Variants in POU2AF2 observed in about 807,000 individuals in gnomAD.
The protein encoded by POU2AF2 is POU domain class 2-associating factor 2.
chr11:111,282,149 TA>T, the POU2AF2 span, among the ~76,000 whole-genome samples: 34 of 152,190 alleles, frequency 2.2e-4, no homozygotes, highest in African/African-American at 8.2e-4. Context: ...ATCTAGAAAT[TA>T]TCCTTTCTCT....
chr11:111,250,993 G>C, the POU2AF2 span, among the ~76,000 whole-genome samples: 1 of 152,280 alleles, frequency 6.6e-6, no homozygotes, highest in Non-Finnish European at 1.5e-5. Flanking sequence ...TCCTGTGAGC[G>C]TCATGGTGGA....
chr11:111,256,476 G>A, the POU2AF2 span, among the ~76,000 whole-genome samples: 1 of 152,230 alleles, frequency 6.6e-6, no homozygotes, highest in Non-Finnish European at 1.5e-5. Context: ...ATAAATCACA[G>A]TCAATAAATG....
At chr11:111,261,858 CT>C in the POU2AF2 span, among the ~76,000 whole-genome samples, 1 of 152,114 alleles carries the variant, frequency 6.6e-6, no homozygotes, top group Non-Finnish European at 1.5e-5. Flanking sequence ...ATTTCTGGCT[CT>C]GTTTTTAGAA....
chr11:111,276,795 A>G, the POU2AF2 span, among the ~76,000 whole-genome samples: 2 of 151,738 alleles, frequency 1.3e-5, no homozygotes, highest in Non-Finnish European at 2.9e-5. Flanking sequence ...ATCCAGCGGT[A>G]TTATCTTTCA....
At chr11:111,247,934 A>G in the POU2AF2 span, among the ~76,000 whole-genome samples, 1 of 125,392 alleles carries the variant, frequency 8.0e-6, no homozygotes, top group African/African-American at 3.1e-5. Flanking sequence ...GCTGGAGTGC[A>G]GTGGTGTGGC....
chr11:111,249,408 C>G, the POU2AF2 span, among the ~76,000 whole-genome samples: 1 of 152,086 alleles, frequency 6.6e-6, no homozygotes, highest in Admixed American at 6.5e-5. Flanking sequence ...GAATTTGTAC[C>G]AGTTTCCATT....
At chr11:111,274,628 C>T in the POU2AF2 span, among the ~76,000 whole-genome samples, 1 of 150,762 alleles carries the variant, frequency 6.6e-6, no homozygotes, top group African/African-American at 2.4e-5. Flanking sequence ...CAGGAAAGCA[C>T]CCCACCCGAT....
chr11:111,257,406 C>A, the POU2AF2 span, among the ~76,000 whole-genome samples: 1 of 149,824 alleles, frequency 6.7e-6, no homozygotes, highest in Admixed American at 6.7e-5. Context: ...GTTGCCCAGG[C>A]TGGTGTGCAG....
At chr11:111,264,609 AAAGAAAGAAAGAG>A in the POU2AF2 span, among the ~76,000 whole-genome samples, 8 of 93,660 alleles carry the variant, frequency 8.5e-5, no homozygotes, top group South Asian at 5.0e-4. Context: ...GAAAGAGACG[AAAGAAAGAAAGAG>A]AAGAAAGAAA....
chr11:111,248,659 C>A, the POU2AF2 span, among the ~76,000 whole-genome samples: 1 of 152,008 alleles, frequency 6.6e-6, no homozygotes, highest in Non-Finnish European at 1.5e-5. Context: ...CTTTTTCTTT[C>A]TTTTTCTTTG....
chr11:111,263,631 C>T, the POU2AF2 span, among the ~76,000 whole-genome samples: 1 of 151,998 alleles, frequency 6.6e-6, no homozygotes, highest in African/African-American at 2.4e-5. Flanking sequence ...CAGGGTTTCA[C>T]CATATTGGCC....
chr11:111,286,182 A>G, the POU2AF2 span: 1 of 1,041,086 alleles, frequency 9.6e-7, no homozygotes, highest in Non-Finnish European at 1.4e-6. Context: ...TTGTTAGTGG[A>G]CGAGGGCATT....
the POU2AF2 span, among the ~76,000 whole-genome samples, chr11:111,270,190 A>G: frequency 6.6e-6 from 1 of 152,214 alleles, no homozygotes; most frequent in Non-Finnish European, 1.5e-5. Flanking sequence ...TTGCTATGGC[A>G]TTTTATTAAA....
the POU2AF2 span, among the ~76,000 whole-genome samples, chr11:111,269,625 C>T: frequency 1.3e-5 from 2 of 152,108 alleles, no homozygotes; most frequent in African/African-American, 2.4e-5. Context: ...GCAAGTCCAT[C>T]TGGCAGGGAT....
the POU2AF2 span, chr11:111,284,112 G>T: frequency 6.2e-7 from 1 of 1,614,182 alleles, no homozygotes; most frequent in Non-Finnish European, 8.5e-7. Flanking sequence ...GGTGTCAGAA[G>T]ATCTTTCTTA....
the POU2AF2 span, among the ~76,000 whole-genome samples, chr11:111,263,242 T>G: frequency 6.6e-6 from 1 of 152,138 alleles, no homozygotes; most frequent in Non-Finnish European, 1.5e-5. Flanking sequence ...CTTTGTTATT[T>G]TCATTATTTA....
chr11:111,248,543 G>C, the POU2AF2 span, among the ~76,000 whole-genome samples: 2 of 152,200 alleles, frequency 1.3e-5, no homozygotes. Flanking sequence ...AGTGTCAAGA[G>C]GGAGTGTAAT....
chr11:111,284,072 A>G, the POU2AF2 span: 8 of 1,606,184 alleles, frequency 5.0e-6, no homozygotes, highest in African/African-American at 1.3e-5. Flanking sequence ...TCATTTGGCA[A>G]CAGGTTCGCC....
At chr11:111,286,117 A>G in the POU2AF2 span, 2 of 1,568,324 alleles carry the variant, frequency 1.3e-6, no homozygotes, top group Non-Finnish European at 1.7e-6. Context: ...AGATTGTTTT[A>G]GGTGTGTCAG....
Sources: allele counts gnomAD v4.1 joint callset (sites outside exome capture counted in the v4.1 genomes callset), GRCh38; gene constraint gnomAD v4.1.1; transcripts MANE v1.5; gene names NCBI Gene and HGNC (gene_info 2026-07-23, HGNC 2026-07-21).